RGS9: variants seen among roughly 807,000 people sequenced by gnomAD.
The protein encoded by RGS9 is regulator of G-protein signalling 9.
RGS9 carries 78 observed loss-of-function variants against 102.0 expected under a neutral mutation model. That is an observed-to-expected ratio of 0.76 (90% confidence interval 0.64 to 0.92). The LOEUF is 0.92. Ranked by LOEUF, RGS9 falls within the 40% of genes least tolerant of loss-of-function variation. The pLI is 0.00. For synonymous variants in RGS9, 353 were observed against 318.6 expected (o/e 1.11, Z -1.15); for missense variants, 833 against 866.1 (o/e 0.96, Z 0.48).
At chr17:65,151,344 A>C (rs34656309) in intron 1 of RGS9, among the ~76,000 whole-genome samples, 33,950 of 133,344 alleles carry the variant, frequency 0.25, 3,879 homozygotes, top group African/African-American at 0.37. Flanking sequence ...GACCTGTCCC[A>C]AAAAAAAAAA....
At position 65,177,847 on chromosome 17, in the gene RGS9, C is replaced by G. The variant is rs746120070; in HGVS notation, c.654+44C>G. The G allele has an allele frequency of 6.6e-6, 10 of 1,516,396 alleles. No individual in the cohort carries two copies. The Admixed American group carries it at 1.7e-4, about 25-fold the overall frequency. 93.9% of individuals were successfully genotyped at this position (1,516,396 alleles called of 1,614,324 possible). A position where few individuals can be genotyped will look rare whatever the true frequency, so the allele number is the denominator to read the frequency against. ...GTTTGGGTAGGGCCTAGGTCGGATT[C>G]TGGGGCTGGGAAGGTGTCCACATGT... On this transcript the variant is annotated intron_variant, in intron 9 of 18. Transcript: ENST00000262406.
chr17:65,139,095 C>CTAA lies in RGS9; in HGVS notation c.57+1498_57+1499insTAA, dbSNP rs140832755. 9.9e-4 allele frequency among the ~76,000 whole-genome samples: 135 copies of CTAA among 136,246 alleles called. 1 individual carries two copies. The highest frequency in any genetic ancestry group is 1.3e-3 in the African/African-American group (46 of 34,076). 89.4% of individuals were successfully genotyped at this position (136,246 alleles called of 152,430 possible). On this transcript the variant is annotated intron_variant, in intron 1 of 18. Coordinates refer to ENST00000262406, the MANE Select transcript of RGS9 (RefSeq NM_003835.4). ...TCCATTCCAGCTCCCCTCCTCCACC[C>CTAA]CAGCTCTCCCCCCTCCACCCCACCT...
At chr17:65,146,358 G>C (rs547021884) in intron 1 of RGS9, among the ~76,000 whole-genome samples, 97 of 152,234 alleles carry the variant, frequency 6.4e-4, no homozygotes, top group Non-Finnish European at 1.2e-3. Context: ...GGGAGGCCAA[G>C]GTGGGCGGAT....
intron 1 of RGS9, among the ~76,000 whole-genome samples, chr17:65,148,487 T>G (rs1236232786): frequency 6.6e-6 from 1 of 152,232 alleles, no homozygotes; most frequent in Non-Finnish European, 1.5e-5. Flanking sequence ...CTGATGAACC[T>G]CCATACTGTT....
intron 7 of RGS9, among the ~76,000 whole-genome samples, chr17:65,163,886 G>A (rs764710978): frequency 6.6e-6 from 1 of 152,350 alleles, no homozygotes; most frequent in African/African-American, 2.4e-5. Flanking sequence ...AGAGTGGATC[G>A]TGAGAGGGCT....
chr17:65,225,256 C>T lies in RGS9; in HGVS notation c.1662C>T (p.Thr554=), dbSNP rs200492363. The change falls in exon 18 of 19, where the codon ACC becomes ACT. Residue 554 remains threonine (T), a synonymous_variant. Coordinates refer to ENST00000262406, the MANE Select transcript of RGS9 (RefSeq NM_003835.4). ...GSMAPRGPSV[T]ESSEASLDTS... is the part of the protein sequence containing the mutation. ...TGGCCCCCCGTGGGCCCTCTGTCAC[C>T]GAGAGCAGCGAGGCCTCCCTCGACA... 62 of 1,609,106 alleles carry T rather than the reference C, an allele frequency of 3.9e-5. No homozygotes were observed. The East Asian group carries it at 9.4e-4, about 24-fold the overall frequency.
At chr17:65,195,109 T>A (rs866828607) in intron 12 of RGS9, among the ~76,000 whole-genome samples, 1 of 152,180 alleles carries the variant, frequency 6.6e-6, no homozygotes, top group African/African-American at 2.4e-5. Context: ...CTGCAGCCCA[T>A]GTCTGCCTCC....
intron 8 of RGS9, among the ~76,000 whole-genome samples, chr17:65,175,349 G>A (rs1236466679): frequency 6.6e-6 from 1 of 152,012 alleles, no homozygotes; most frequent in Non-Finnish European, 1.5e-5. Context: ...TATGCAGGGG[G>A]ATTTCTCCAT....
chr17:65,137,750 G>T (rs1322506080), intron 1 of RGS9, among the ~76,000 whole-genome samples, 153 bp downstream of exon 1: 6 of 152,202 alleles, frequency 3.9e-5, no homozygotes, highest in Admixed American at 3.9e-4. Context: ...TGTGTGTGTC[G>T]ATATTGATGG....
chr17:65,208,548 C>T (rs1398133871), intron 16 of RGS9, among the ~76,000 whole-genome samples: 1 of 152,128 alleles, frequency 6.6e-6, no homozygotes, highest in African/African-American at 2.4e-5. Flanking sequence ...ATCATCTCAT[C>T]TGGTAGAGCC....
intron 1 of RGS9, among the ~76,000 whole-genome samples, chr17:65,151,638 C>T (rs1910585275): frequency 6.6e-6 from 1 of 152,236 alleles, no homozygotes; most frequent in Non-Finnish European, 1.5e-5. Flanking sequence ...AAGCCCCTTA[C>T]AGTCGACCTT....
chr17:65,198,703 T>G (rs1386057620), intron 13 of RGS9, among the ~76,000 whole-genome samples: 2 of 152,232 alleles, frequency 1.3e-5, no homozygotes, highest in East Asian at 3.8e-4. Context: ...TACCCAGCCC[T>G]GGGGGCATCA....
At position 65,151,064 on chromosome 17, in the gene RGS9, G is replaced by T. The variant is rs77887860; in HGVS notation, c.58-2358G>T. 7.0e-3 allele frequency among the ~76,000 whole-genome samples: 1,069 copies of T among 152,244 alleles called. 18 individuals carry two copies. The highest frequency in any genetic ancestry group is 0.025 in the African/African-American group (1,038 of 41,538). ...GTTTGTTTAAAAAAAAATCCTTCAC[G>T]CCAGGTGTGGTGGCTCATGCCTATA... is the stretch of plus-strand genomic sequence containing the variant. On this transcript the variant is annotated intron_variant, in intron 1 of 18. Transcript: ENST00000262406.
chr17:65,203,434 G>C (rs1192736971), intron 14 of RGS9, among the ~76,000 whole-genome samples: 1 of 152,168 alleles, frequency 6.6e-6, no homozygotes, highest in Non-Finnish European at 1.5e-5. Flanking sequence ...TCTGCCATTA[G>C]ACCAGTTTCC....
chr17:65,162,953 C>T, intron 6 of RGS9, 60 bp from the exon 7 acceptor site: 1 of 925,506 alleles, frequency 1.1e-6, no homozygotes, highest in Non-Finnish European at 1.7e-6. Context: ...AGTTTGTTGC[C>T]CTGCGGCACA....
chr17:65,168,365 CCTCTTT>C (rs1911279223), intron 8 of RGS9, 84 bp downstream of exon 8: 2 of 926,548 alleles, frequency 2.2e-6, no homozygotes, highest in East Asian at 2.6e-5. Context: ...GTTGCCAACT[CCTCTTT>C]CTCTAGGGCG....
intron 1 of RGS9, among the ~76,000 whole-genome samples, chr17:65,145,827 G>A (rs1161367990): frequency 1.3e-5 from 2 of 152,118 alleles, no homozygotes; most frequent in Non-Finnish European, 2.9e-5. Flanking sequence ...GGTTTCCTGG[G>A]GAGACTGAGG....
At chr17:65,191,101 C>G (rs909926666) in intron 11 of RGS9, among the ~76,000 whole-genome samples, 5 of 152,216 alleles carry the variant, frequency 3.3e-5, no homozygotes, top group African/African-American at 1.2e-4. Flanking sequence ...TTCAGTGACT[C>G]TGCTGCTGCT....
At chr17:65,215,478 A>ATCTTTCTTTCTT (rs1256405645) in intron 17 of RGS9, among the ~76,000 whole-genome samples, 26 of 114,928 alleles carry the variant, frequency 2.3e-4, no homozygotes, top group South Asian at 5.4e-4. Flanking sequence ...TTCTTTCTCT[A>ATCTTTCTTTCTT]TCTTTCTTTC....
Sources: gnomAD v4.1 joint callset for allele counts (sites outside exome capture counted in the v4.1 genomes callset) on GRCh38, gnomAD v4.1.1 for gene constraint, MANE v1.5 for transcripts, NCBI Gene and HGNC (gene_info 2026-07-23, HGNC 2026-07-21) for gene names.